The following CEP128 variants were observed in gnomAD, a reference collection of about 807,000 sequenced individuals.
CEP128 encodes centrosomal protein 128kDa.
Under a neutral mutation model 156.7 loss-of-function variants are expected in CEP128, and 132 were observed. The observed-to-expected ratio is 0.84, with a 90% CI of 0.73 to 0.97. The LOEUF is 0.97. Ranked by LOEUF, CEP128 falls within the 50% of genes least tolerant of loss-of-function variation. CEP128 has a pLI of 0.00. For missense variants in CEP128, 1,252 were observed against 1,281.9 expected (o/e 0.98, Z 0.36); for synonymous variants, 469 against 448.9 (o/e 1.04, Z -0.57).
intron 13 of CEP128, among the ~76,000 whole-genome samples, chr14:80,802,754 T>G (rs1405788040): frequency 6.6e-6 from 1 of 152,214 alleles, no homozygotes; most frequent in African/African-American, 2.4e-5. Flanking sequence ...AAAGGTTTTC[T>G]AGCAGGAGAA....
At chr14:80,518,685 CCCTTTA>C (rs1332467714) in intron 23 of CEP128, among the ~76,000 whole-genome samples, 3 of 152,158 alleles carry the variant, frequency 2.0e-5, no homozygotes, top group Non-Finnish European at 4.4e-5. Context: ...GTTATTCCTT[CCCTTTA>C]CAATTGTTGA....
chr14:80,518,339 T>C (rs1888588339), intron 23 of CEP128, among the ~76,000 whole-genome samples: 1 of 151,890 alleles, frequency 6.6e-6, no homozygotes, highest in African/African-American at 2.4e-5. Context: ...TAGGGATTCT[T>C]AGTCGCCCTA....
At chr14:80,525,251 C>T (rs181784807) in intron 23 of CEP128, among the ~76,000 whole-genome samples, 14 of 152,120 alleles carry the variant, frequency 9.2e-5, no homozygotes, top group African/African-American at 3.4e-4. Flanking sequence ...TATATAAGGT[C>T]TAAATTTATA....
At chr14:80,612,025 T>C (rs1893012446) in intron 19 of CEP128, among the ~76,000 whole-genome samples, 1 of 151,976 alleles carries the variant, frequency 6.6e-6, no homozygotes, top group African/African-American at 2.4e-5. Flanking sequence ...GCCACTGCAC[T>C]CCAGCCTGAG....
intron 8 of CEP128, among the ~76,000 whole-genome samples, chr14:80,893,729 G>A (rs1889215196): frequency 6.6e-6 from 1 of 151,876 alleles, no homozygotes; most frequent in Non-Finnish European, 1.5e-5. Flanking sequence ...TTTTGGGGGT[G>A]ATGGATGTGT....
intron 13 of CEP128, among the ~76,000 whole-genome samples, chr14:80,808,528 C>T (rs1477567570): frequency 6.6e-6 from 1 of 152,070 alleles, no homozygotes; most frequent in Non-Finnish European, 1.5e-5. Flanking sequence ...GATCTGAGAA[C>T]ACAATCACCA....
rs897799488 is a variant in CEP128, at chr14:80,881,605, G to A, written c.645+14113C>T. Among the ~76,000 whole-genome samples the A allele has an allele frequency of 5.3e-5, 8 of 152,172 alleles. No individual in the cohort carries two copies. The South Asian group carries it at 1.7e-3, about 32-fold the overall frequency. On this transcript the variant is annotated intron_variant, in intron 8 of 24. Coordinates refer to ENST00000555265, the MANE Select transcript of CEP128 (RefSeq NM_152446.5). ...CAGTATTATCTTAATACCAAAACCA[G>A]ATAAAGACACATCAAGAAAGGAAAC...
chr14:80,605,799 A>G (rs1331155169), intron 19 of CEP128, among the ~76,000 whole-genome samples: 1 of 152,052 alleles, frequency 6.6e-6, no homozygotes, highest in African/African-American at 2.4e-5. Context: ...CCAGTTCATG[A>G]ATATGAAGGT....
chr14:80,777,488 G>T lies in CEP128; in HGVS notation c.2376+394C>A, dbSNP rs1900857542. On this transcript the variant is annotated intron_variant, in intron 16 of 24. Transcript: ENST00000555265. ...TCTTCTATCCAGTCTATAGCATTCT[G>T]TTATAGCAGCTCAAACAGACTAAGA... 2.0e-5 allele frequency among the ~76,000 whole-genome samples: 3 copies of T among 152,146 alleles called. No homozygotes were observed. The South Asian group carries it at 6.2e-4, about 32-fold the overall frequency.
chr14:80,601,250 C>T lies in CEP128; in HGVS notation c.2807-20827G>A, dbSNP rs368159474. ...TGTGTTTCCTTGTAAGTATATAAGT[C>T]GTGCATTGCTTAATGATAGGGATGT... On this transcript the variant is annotated intron_variant, in intron 19 of 24. Coordinates refer to ENST00000555265, the MANE Select transcript of CEP128 (RefSeq NM_152446.5). 1.2e-4 allele frequency among the ~76,000 whole-genome samples: 19 copies of T among 152,084 alleles called. No individual in the cohort carries two copies. In the East Asian group the frequency reaches 1.7e-3, roughly 14 times the overall value.
chr14:80,953,549 C>T (rs1886513924), intron 2 of CEP128, among the ~76,000 whole-genome samples: 1 of 152,216 alleles, frequency 6.6e-6, no homozygotes, highest in Non-Finnish European at 1.5e-5. Context: ...CGTGCCATTG[C>T]ACTCCAGCCT....
At chr14:80,853,774 AATTAT>A (rs1284011738) in intron 9 of CEP128, among the ~76,000 whole-genome samples, 1 of 152,002 alleles carries the variant, frequency 6.6e-6, no homozygotes. Flanking sequence ...ATTAAGAAAG[AATTAT>A]ATTAGTATAG....
chr14:80,810,081 TGG>T lies in CEP128; in HGVS notation c.1210-16973_1210-16972del, dbSNP rs374800728. ...GCTCATGCCTGTAATCCCAGCACTT[TGG>T]GAGGCCAAGCTGGGAGGATCACGAG... On this transcript the variant is annotated intron_variant, in intron 13 of 24. Transcript: ENST00000555265. Among the ~76,000 whole-genome samples the T allele has an allele frequency of 2.1e-3, 322 of 151,910 alleles. 1 individual carries two copies. The highest frequency in any genetic ancestry group is 7.3e-3 in the African/African-American group (302 of 41,462).
At chr14:80,802,265 T>C (rs929385345) in intron 13 of CEP128, among the ~76,000 whole-genome samples, 2 of 152,100 alleles carry the variant, frequency 1.3e-5, no homozygotes, top group African/African-American at 2.4e-5. Context: ...CTATTTACAA[T>C]AGCAAAGACA....
At chr14:80,569,043 G>A (rs1004079456) in intron 20 of CEP128, among the ~76,000 whole-genome samples, 6 of 152,126 alleles carry the variant, frequency 3.9e-5, no homozygotes, top group South Asian at 2.1e-4. Flanking sequence ...CAGTAGCTTC[G>A]GCTGTTTGAG....
At chr14:80,572,776 C>CTT (rs1891198181) in intron 20 of CEP128, among the ~76,000 whole-genome samples, 1 of 152,196 alleles carries the variant, frequency 6.6e-6, no homozygotes, top group Non-Finnish European at 1.5e-5. Context: ...AGCTCAGACT[C>CTT]TTGACAGTTG....
intron 13 of CEP128, among the ~76,000 whole-genome samples, chr14:80,798,810 G>A (rs772608309): frequency 7.9e-5 from 12 of 152,146 alleles, no homozygotes; most frequent in South Asian, 2.1e-4. Context: ...TGGAATGAAC[G>A]TATAATATAA....
At chr14:80,571,903 G>A (rs551097156) in intron 20 of CEP128, among the ~76,000 whole-genome samples, 1 of 152,138 alleles carries the variant, frequency 6.6e-6, no homozygotes, top group Non-Finnish European at 1.5e-5. Flanking sequence ...TTCTCTCACC[G>A]GCTGAGGAAG....
At chr14:80,632,062 A>G (rs1893983997) in intron 19 of CEP128, among the ~76,000 whole-genome samples, 1 of 152,138 alleles carries the variant, frequency 6.6e-6, no homozygotes, top group African/African-American at 2.4e-5. Context: ...TCACCTGATT[A>G]AAAAGGTGCT....
Sources: gnomAD v4.1 joint callset for allele counts (sites outside exome capture counted in the v4.1 genomes callset) on GRCh38, gnomAD v4.1.1 for gene constraint, MANE v1.5 for transcripts, NCBI Gene and HGNC (gene_info 2026-07-23, HGNC 2026-07-21) for gene names.